The following TMCO5A variants were observed in gnomAD, a reference collection of about 807,000 sequenced individuals.
The protein encoded by TMCO5A is transmembrane and coiled-coil domains 5A, also known as transmembrane and coiled-coil domain-containing protein 5A.
TMCO5A carries 34 observed loss-of-function variants against 42.3 expected under a neutral mutation model. That is an observed-to-expected ratio of 0.80 (90% CI 0.61 to 1.07). TMCO5A has a LOEUF of 1.07. TMCO5A is among the 50% of genes least tolerant of loss of function. The pLI, the probability that TMCO5A is intolerant of heterozygous loss-of-function variation, is 0.00. For missense variants in TMCO5A, 357 were observed against 327.9 expected (o/e 1.09, Z -0.69); for synonymous variants, 131 against 115.6 (o/e 1.13, Z -0.86).
the TMCO5A span, among the ~76,000 whole-genome samples, chr15:37,995,604 T>C: frequency 6.6e-6 from 1 of 152,246 alleles, no homozygotes; most frequent in African/African-American, 2.4e-5. Context: ...TTCTAATTTA[T>C]GCTCTGTCTG....
At chr15:38,007,911 T>TC in the TMCO5A span, among the ~76,000 whole-genome samples, 1 of 110,742 alleles carries the variant, frequency 9.0e-6, no homozygotes, top group Non-Finnish European at 1.8e-5. Context: ...TTTTTTTTTT[T>TC]GTGAGACAGA....
chr15:38,029,370 CA>C, the TMCO5A span, among the ~76,000 whole-genome samples: 1 of 14,736 alleles, frequency 6.8e-5, no homozygotes, highest in Non-Finnish European at 2.0e-4. Context: ...GAATACACCA[CA>C]CACACACACA....
chr15:37,992,295 T>G, the TMCO5A span, among the ~76,000 whole-genome samples: 1 of 152,024 alleles, frequency 6.6e-6, no homozygotes, highest in Non-Finnish European at 1.5e-5. Flanking sequence ...AAAACCACAG[T>G]AAGGTACCAT....
chr15:37,957,738 T>C (rs1383404736), intron 11 of TMCO5A, among the ~76,000 whole-genome samples: 1 of 151,974 alleles, frequency 6.6e-6, no homozygotes, highest in Non-Finnish European at 1.5e-5. Flanking sequence ...CAGAAAAAAC[T>C]ACTTTAAATT....
At chr15:37,947,520 A>T (rs894051904) in intron 10 of TMCO5A, 136 bp from the exon 11 acceptor site, 5 of 616,318 alleles carry the variant, frequency 8.1e-6, no homozygotes, top group Non-Finnish European at 1.4e-5. Flanking sequence ...CCTGAAAATT[A>T]TATGTGCTTA....
chr15:37,958,145 A>C (rs1364327127), intron 11 of TMCO5A, among the ~76,000 whole-genome samples: 5 of 152,204 alleles, frequency 3.3e-5, no homozygotes, highest in Non-Finnish European at 5.9e-5. Context: ...CCCTAGAAGA[A>C]AACCTAGGCA....
intron 10 of TMCO5A, 57 bp downstream of exon 10, chr15:37,943,455 C>G (rs2140271327): frequency 6.4e-7 from 1 of 1,558,412 alleles, no homozygotes; most frequent in African/African-American, 1.4e-5. Context: ...TCAAAGCCAT[C>G]TCCAGCAAAC....
the TMCO5A span, among the ~76,000 whole-genome samples, chr15:38,012,095 C>G: frequency 1.3e-5 from 2 of 149,920 alleles, no homozygotes; most frequent in Non-Finnish European, 3.0e-5. Flanking sequence ...CTGCACTCCA[C>G]CCTAGGTGAC....
chr15:38,037,301 T>C, the TMCO5A span, among the ~76,000 whole-genome samples: 1 of 152,264 alleles, frequency 6.6e-6, no homozygotes, highest in Admixed American at 6.5e-5. Flanking sequence ...TGACAATGTA[T>C]GCATTACACT....
intron 8 of TMCO5A, 48 bp from the exon 9 acceptor site, chr15:37,942,143 G>C (rs774353963): frequency 6.4e-7 from 1 of 1,563,594 alleles, no homozygotes; most frequent in East Asian, 2.2e-5. Flanking sequence ...TAGAAAAATT[G>C]TAAACCTTCT....
rs1889473179 is a variant in TMCO5A at position 37,935,288 on chromosome 15, C to T, written c.-71C>T. 1.3e-5 allele frequency: 2 copies of T among 152,070 alleles called. No homozygotes were observed. Among genetic ancestry groups the T allele is most frequent in the South Asian group, 4.1e-4 (2 of 4,820 alleles). 9.4% of individuals were successfully genotyped at this position (152,070 alleles called of 1,614,324 possible). ...TACAATGGAAGGACACAAGAAAGAT[C>T]AGCTGGATTAAGTAGTCATGATTAT... On this transcript the variant is annotated 5_prime_UTR_variant, in exon 2 of 12. The change creates a premature stop within an existing upstream ORF in the 5' untranslated region. Transcript: ENST00000319669.
chr15:37,966,641 T>C (rs1017751991), exon 12 of TMCO5A: 1 of 702,948 alleles, frequency 1.4e-6, no homozygotes. Flanking sequence ...CTCCTCCTTT[T>C]AGTGGCAAGA....
chr15:37,976,339 T>G, the TMCO5A span, among the ~76,000 whole-genome samples: 1 of 152,176 alleles, frequency 6.6e-6, no homozygotes, highest in Non-Finnish European at 1.5e-5. Flanking sequence ...GCCTTTAATA[T>G]TTTGTCTTTC....
At chr15:37,964,190 G>A (rs1471902785) in intron 11 of TMCO5A, among the ~76,000 whole-genome samples, 2 of 152,102 alleles carry the variant, frequency 1.3e-5, no homozygotes, top group African/African-American at 4.8e-5. Flanking sequence ...CCCATGGGGT[G>A]TTCCCTTGAT....
intron 11 of TMCO5A, among the ~76,000 whole-genome samples, 185 bp from the exon 12 acceptor site, chr15:37,950,851 A>G (rs10400829): frequency 0.013 from 1,914 of 152,284 alleles, 41 homozygotes; most frequent in East Asian, 0.054. Context: ...ACGGTAATGG[A>G]CAGAGAATAA....
intron 10 of TMCO5A, among the ~76,000 whole-genome samples, 160 bp from the exon 11 acceptor site, chr15:37,947,496 T>C (rs1325379278): frequency 6.6e-6 from 1 of 152,010 alleles, no homozygotes; most frequent in East Asian, 1.9e-4. Flanking sequence ...AATAAACATA[T>C]TTTAAAATTT....
At chr15:37,942,281 G>T (rs765355342) in intron 9 of TMCO5A, 26 bp downstream of exon 9, 45 of 1,608,022 alleles carry the variant, frequency 2.8e-5, no homozygotes, top group Non-Finnish European at 2.5e-5. Flanking sequence ...GGAACATCCT[G>T]GTTTTGGTAG....
chr15:38,033,037 C>T, the TMCO5A span, among the ~76,000 whole-genome samples: 1 of 151,660 alleles, frequency 6.6e-6, no homozygotes, highest in Non-Finnish European at 1.5e-5. Flanking sequence ...ACGCCATTCT[C>T]CTGCCTCAGC....
At chr15:38,016,738 A>G in the TMCO5A span, among the ~76,000 whole-genome samples, 5 of 152,178 alleles carry the variant, frequency 3.3e-5, no homozygotes, top group African/African-American at 9.7e-5. Context: ...TTTTGGAAAT[A>G]TCACCCTATA....
Sources: gnomAD v4.1 joint callset for allele counts (sites outside exome capture counted in the v4.1 genomes callset) on GRCh38, gnomAD v4.1.1 for gene constraint, MANE v1.5 for transcripts, NCBI Gene and HGNC (gene_info 2026-07-23, HGNC 2026-07-21) for gene names.